MYBPC1: variants seen among roughly 807,000 people sequenced by gnomAD.
MYBPC1 encodes the protein myosin-binding protein C, slow-type.
A neutral mutation model predicts 147.1 loss-of-function variants in MYBPC1; 52 were observed. That is an observed-to-expected ratio of 0.35 (90% CI 0.28 to 0.45). The LOEUF is 0.45. MYBPC1 is among the 20% of genes least tolerant of loss of function. The pLI is 1.00. For missense variants in MYBPC1, 1,228 were observed against 1,440.3 expected (o/e 0.85, Z 2.39); for synonymous variants, 477 against 475.9 (o/e 1.00, Z -0.03).
At chr12:101,644,821 T>C in intron 12 of MYBPC1, 25 bp downstream of exon 12, 1 of 1,608,108 alleles carries the variant, frequency 6.2e-7, no homozygotes, top group Non-Finnish European at 8.5e-7. Context: ...CAAAAATCAG[T>C]GATAGCTCTA....
chr12:101,665,425 A>C lies in MYBPC1; in HGVS notation c.2356+1865A>C, dbSNP rs552670164. On this transcript the variant is annotated intron_variant, in intron 22 of 31. Coordinates refer to ENST00000361466, the MANE Select transcript of MYBPC1 (RefSeq NM_002465.4). ...TAGAGACATCAGGTTTTATTCTGTA[A>C]GAGAATTCTTTGTTTTGTAAGATCG... is the stretch of plus-strand genomic sequence containing the variant. Among the ~76,000 whole-genome samples, 7 of 152,142 alleles carry C rather than the reference A, an allele frequency of 4.6e-5. No individual in the cohort carries two copies. In the South Asian group the frequency reaches 1.5e-3, roughly 32 times the overall value.
At chr12:101,694,777 C>T in the MYBPC1 span, among the ~76,000 whole-genome samples, 4 of 150,716 alleles carry the variant, frequency 2.7e-5, no homozygotes, top group African/African-American at 9.8e-5. Context: ...TTTCACTCAA[C>T]ATATGCTTGT....
At chr12:101,666,595 C>G (rs1897459499) in intron 22 of MYBPC1, 1 of 769,054 alleles carries the variant, frequency 1.3e-6, no homozygotes, top group Non-Finnish European at 2.2e-6. Context: ...CCCCCTAACA[C>G]CGTTTGGTCT....
Position 101,659,827 on chromosome 12 carries a change from T to G in MYBPC1, c.1923T>G (p.Val641=). The G allele has an allele frequency of 1.2e-6, 2 of 1,614,074 alleles. No individual in the cohort carries two copies. Among genetic ancestry groups the G allele is most frequent in the Non-Finnish European group, 8.5e-7 (1 of 1,179,944 alleles). The change falls in exon 19 of 32, where the codon GTT becomes GTG. Residue 641 remains valine (V), a synonymous_variant. Coordinates refer to ENST00000361466, the MANE Select transcript of MYBPC1 (RefSeq NM_002465.4). ...GEAHASIKVK[V]VDFPDPPVAP... ...CACATGCAAGCATCAAGGTTAAAGT[T>G]GTGGGTAAGTCCTCCAGGTAAACGC...
At chr12:101,631,399 C>A (rs1889854044) in intron 6 of MYBPC1, among the ~76,000 whole-genome samples, 172 bp from the exon 7 acceptor site, 1 of 152,148 alleles carries the variant, frequency 6.6e-6, no homozygotes. Context: ...CTGGGACAGC[C>A]TAAGGACCTC....
intron 1 of MYBPC1, 85 bp downstream of exon 1, chr12:101,595,180 C>G: frequency 2.6e-6 from 3 of 1,174,046 alleles, no homozygotes; most frequent in Non-Finnish European, 3.8e-6. Context: ...TAACAAATAT[C>G]TTAACTAGAT....
intron 27 of MYBPC1, 119 bp from the exon 28 acceptor site, chr12:101,677,983 C>A (rs1900378666): frequency 3.1e-6 from 4 of 1,277,714 alleles, no homozygotes; most frequent in Non-Finnish European, 4.5e-6. Flanking sequence ...ATTTGCTCAT[C>A]TTTGTCCATG....
At chr12:101,674,573 A>G (rs1282656678) in intron 25 of MYBPC1, among the ~76,000 whole-genome samples, 1 of 152,154 alleles carries the variant, frequency 6.6e-6, no homozygotes, top group Non-Finnish European at 1.5e-5. Flanking sequence ...TGCAACGTCA[A>G]GAAATAAATT....
chr12:101,686,228 A>G (rs1438832986), downstream of MYBPC1, among the ~76,000 whole-genome samples: 3 of 152,254 alleles, frequency 2.0e-5, no homozygotes, highest in African/African-American at 7.2e-5. Context: ...AACAAATCTG[A>G]AGTGTTTGTG....
chr12:101,620,453 C>T (rs962755980), intron 3 of MYBPC1, among the ~76,000 whole-genome samples: 4 of 152,188 alleles, frequency 2.6e-5, no homozygotes, highest in Non-Finnish European at 5.9e-5. Context: ...GTCCTGCCCT[C>T]CTGGAGCCAA....
chr12:101,682,271 T>C (rs1322644520), intron 29 of MYBPC1, among the ~76,000 whole-genome samples: 6 of 152,210 alleles, frequency 3.9e-5, no homozygotes, highest in African/African-American at 1.4e-4. Flanking sequence ...TATAAAATGA[T>C]GCTTTAACAA....
the MYBPC1 span, among the ~76,000 whole-genome samples, chr12:101,694,010 T>A: frequency 3.3e-5 from 5 of 152,216 alleles, no homozygotes; most frequent in Admixed American, 2.0e-4. Context: ...AAGGGCAACA[T>A]CTGAAAGGCG....
intron 29 of MYBPC1, among the ~76,000 whole-genome samples, chr12:101,681,574 ATATATATATATATATATATTTTTTTTT>A (rs1566019399): frequency 4.1e-4 from 8 of 19,660 alleles, no homozygotes; most frequent in African/African-American, 2.3e-3. Context: ...ATATATATAT[ATATATATATATATATATATTTTTTTTT>A]TTTTTTTTTT....
chr12:101,641,026 C>T (rs1891908435), intron 10 of MYBPC1, among the ~76,000 whole-genome samples: 1 of 149,314 alleles, frequency 6.7e-6, no homozygotes, highest in Non-Finnish European at 1.5e-5. Context: ...GCAGGAGAAT[C>T]GTTAGAACCC....
At chr12:101,595,159 C>A in intron 1 of MYBPC1, 64 bp downstream of exon 1, 1 of 1,372,040 alleles carries the variant, frequency 7.3e-7, no homozygotes, top group South Asian at 1.2e-5. Context: ...TGGTATTTAT[C>A]TTCAAACAAA....
intron 3 of MYBPC1, among the ~76,000 whole-genome samples, chr12:101,618,126 G>A (rs995962623): frequency 5.3e-5 from 8 of 152,326 alleles, no homozygotes; most frequent in African/African-American, 1.4e-4. Context: ...TCAAAACCAT[G>A]TTAAGTATCT....
Position 101,659,818 on chromosome 12 carries a change from G to C in MYBPC1, c.1914G>C (p.Lys638Asn), listed in dbSNP as rs141713931. 9.3e-6 allele frequency: 15 copies of C among 1,613,956 alleles called. No individual in the cohort carries two copies. The highest frequency in any genetic ancestry group is 1.3e-5 in the Non-Finnish European group (15 of 1,179,980). ...CTGGAGAGGCACATGCAAGCATCAA[G>C]GTTAAAGTTGTGGGTAAGTCCTCCA... ...NEAGEAHASIKVKVVDFPDPP... is the reference protein window; with the variant it reads ...NEAGEAHASINVKVVDFPDPP... The change falls in exon 19 of 32, where the codon AAG becomes AAC. Residue 638 changes from lysine to asparagine, a missense_variant. By Grantham distance (94) the Lys-to-Asn change is moderately conservative (BLOSUM62 0). This residue lies in a region of MYBPC1 where 1,077 missense variants were observed against 1,314.2 expected (regional missense o/e 0.82). Coordinates refer to ENST00000361466, the MANE Select transcript of MYBPC1 (RefSeq NM_002465.4).
chr12:101,616,691 C>T (rs1224553882), intron 2 of MYBPC1, among the ~76,000 whole-genome samples: 1 of 152,046 alleles, frequency 6.6e-6, no homozygotes, highest in African/African-American at 2.4e-5. Context: ...TGCCACTAAA[C>T]CCAATCCAGA....
At chr12:101,634,206 G>A (rs1466661865) in intron 8 of MYBPC1, among the ~76,000 whole-genome samples, 1 of 152,144 alleles carries the variant, frequency 6.6e-6, no homozygotes, top group Non-Finnish European at 1.5e-5. Context: ...GGCCCCTGGA[G>A]GGCTATTTAA....
Sources: allele counts gnomAD v4.1 joint callset (sites outside exome capture counted in the v4.1 genomes callset), GRCh38; gene constraint gnomAD v4.1.1; regional missense constraint gnomAD v4.1.1; transcripts MANE v1.5; gene names NCBI Gene and HGNC (gene_info 2026-07-23, HGNC 2026-07-21).